The following FRMD3 variants were observed in gnomAD, a reference collection of about 807,000 sequenced individuals.
FRMD3 encodes FERM domain containing 3, also known as FERM domain-containing protein 3.
FRMD3 carries 33 observed loss-of-function variants against 70.2 expected under a neutral mutation model. That is an observed-to-expected ratio of 0.47 (90% CI 0.36 to 0.63). FRMD3 has a LOEUF of 0.63. Among genes scored for constraint, FRMD3 ranks in the 20% least tolerant of loss-of-function variants. The pLI, the probability that FRMD3 is intolerant of heterozygous loss-of-function variation, is 0.00. For missense variants in FRMD3, 632 were observed against 711.4 expected, an observed-to-expected ratio of 0.89 and a Z score of 1.27; for synonymous variants, 279 against 255.9, an observed-to-expected ratio of 1.09 and a Z score of -0.86.
At chr9:83,309,387 T>A in intron 10 of FRMD3, 149 bp downstream of exon 10, 19 of 507,656 alleles carry the variant, frequency 3.7e-5, no homozygotes, top group Admixed American at 7.2e-5. Context: ...TCACCGGGAG[T>A]CACCCTGAAC....
intron 4 of FRMD3, among the ~76,000 whole-genome samples, chr9:83,345,493 C>G (rs1265850734): frequency 6.6e-6 from 1 of 152,168 alleles, no homozygotes; most frequent in African/African-American, 2.4e-5. Flanking sequence ...CATGGTGGCT[C>G]AAGCCTGTAA....
In FRMD3 at chr9:83,357,327, A is replaced by G. The variant is rs368847326; in HGVS notation, c.296-7570T>C. Among the ~76,000 whole-genome samples, 526 of 134,818 alleles carry G rather than the reference A, an allele frequency of 3.9e-3. 8 individuals are homozygous for G. The highest frequency in any genetic ancestry group is 0.013 in the Middle Eastern group (3 of 224). The allele number at this position is 134,818 out of a possible 152,430, so 88.4% of individuals were successfully genotyped here. On this transcript the variant is annotated intron_variant, in intron 3 of 13. Transcript: ENST00000304195. ...ATTTTCTTTATCCACTCATTGACTGATGGGCATTTGGGCTGGTTCCATATT... is the reference window on the plus strand; with the variant it reads ...ATTTTCTTTATCCACTCATTGACTGGTGGGCATTTGGGCTGGTTCCATATT...
At chr9:83,329,198 T>C (rs1355043786) in intron 6 of FRMD3, among the ~76,000 whole-genome samples, 3 of 152,064 alleles carry the variant, frequency 2.0e-5, no homozygotes, top group African/African-American at 7.2e-5. Context: ...TGATCCCAAA[T>C]CATCCCATCT....
At chr9:83,349,845 C>G in intron 3 of FRMD3, 88 bp from the exon 4 acceptor site, 1 of 974,798 alleles carries the variant, frequency 1.0e-6, no homozygotes, top group Non-Finnish European at 1.6e-6. Flanking sequence ...TGCAGCCTGA[C>G]AGACTAGCCT....
intron 13 of FRMD3, among the ~76,000 whole-genome samples, chr9:83,261,482 T>A (rs573263339): frequency 6.6e-6 from 1 of 152,268 alleles, no homozygotes; most frequent in East Asian, 1.9e-4. Context: ...TACAGATCAC[T>A]CAACCTCTGA....
chr9:83,529,578 C>T (rs948300257), intron 1 of FRMD3, among the ~76,000 whole-genome samples: 8 of 152,130 alleles, frequency 5.3e-5, no homozygotes, highest in Non-Finnish European at 1.0e-4. Flanking sequence ...AGGCATAAGT[C>T]CTTATTACCT....
chr9:83,276,171 A>G (rs1305224531), intron 13 of FRMD3: 2 of 152,310 alleles, frequency 1.3e-5, no homozygotes, highest in African/African-American at 4.8e-5. Context: ...TAGTCTCCCA[A>G]GATTTCCTGG....
chr9:83,272,000 A>G (rs1309450535), intron 13 of FRMD3, among the ~76,000 whole-genome samples: 1 of 152,162 alleles, frequency 6.6e-6, no homozygotes, highest in Non-Finnish European at 1.5e-5. Flanking sequence ...TAGGTAAGGA[A>G]AGCCAACAAG....
intron 1 of FRMD3, among the ~76,000 whole-genome samples, chr9:83,478,340 T>C (rs1409614157): frequency 6.6e-6 from 1 of 152,162 alleles, no homozygotes; most frequent in Non-Finnish European, 1.5e-5. Context: ...GTAATGAACA[T>C]ATGCATACTC....
intron 1 of FRMD3, among the ~76,000 whole-genome samples, chr9:83,532,840 G>T (rs572779922): frequency 2.3e-4 from 35 of 152,226 alleles, no homozygotes; most frequent in Non-Finnish European, 4.4e-4. Flanking sequence ...GGCAATGCAT[G>T]AGGAAATACC....
At chr9:83,325,529 T>A (rs1315412737) in intron 6 of FRMD3, among the ~76,000 whole-genome samples, 1 of 151,786 alleles carries the variant, frequency 6.6e-6, no homozygotes, top group African/African-American at 2.4e-5. Flanking sequence ...TTCACCATGT[T>A]GCCCACGCTG....
At chr9:83,416,349 C>G (rs1167367939) in intron 1 of FRMD3, among the ~76,000 whole-genome samples, 1 of 152,246 alleles carries the variant, frequency 6.6e-6, no homozygotes, top group Non-Finnish European at 1.5e-5. Context: ...ACACTGAATA[C>G]TCACTTGCTT....
At chr9:83,453,356 T>C (rs1827723600) in intron 1 of FRMD3, among the ~76,000 whole-genome samples, 1 of 152,136 alleles carries the variant, frequency 6.6e-6, no homozygotes, top group East Asian at 1.9e-4. Flanking sequence ...GACAAACAGA[T>C]GCTCAGAATC....
intron 1 of FRMD3, among the ~76,000 whole-genome samples, chr9:83,522,684 C>T (rs535907970): frequency 2.0e-5 from 3 of 151,726 alleles, no homozygotes; most frequent in South Asian, 4.2e-4. Context: ...CTGCCTCAGC[C>T]TCCCGAGTAG....
rs1829061864 is a variant in FRMD3, at chr9:83,501,251, G to A, written c.147+36834C>T. Reference sequence around the variant, plus strand: ...GGAGCTTGCAGTGAGCCGAGATGGTGCCACTGCACTCCAGCCTGGGTGACA... The same window carrying A: ...GGAGCTTGCAGTGAGCCGAGATGGTACCACTGCACTCCAGCCTGGGTGACA... On this transcript the variant is annotated intron_variant, in intron 1 of 13. Transcript: ENST00000304195. Among the ~76,000 whole-genome samples the A allele has an allele frequency of 2.6e-5, 4 of 152,046 alleles. No homozygotes were observed. The South Asian group carries it at 8.3e-4, about 32-fold the overall frequency.
intron 1 of FRMD3, among the ~76,000 whole-genome samples, chr9:83,486,300 A>G (rs1014034862): frequency 6.6e-6 from 1 of 152,122 alleles, no homozygotes; most frequent in Non-Finnish European, 1.5e-5. Flanking sequence ...TGTCCACATT[A>G]CAATCACCTA....
At chr9:83,522,859 A>G (rs1200284906) in intron 1 of FRMD3, among the ~76,000 whole-genome samples, 1 of 152,098 alleles carries the variant, frequency 6.6e-6, no homozygotes, top group Non-Finnish European at 1.5e-5. Flanking sequence ...CACCGCGCCC[A>G]GCCCGATATA....
chr9:83,423,120 T>C (rs919575198), intron 1 of FRMD3, among the ~76,000 whole-genome samples: 1 of 152,246 alleles, frequency 6.6e-6, no homozygotes, highest in African/African-American at 2.4e-5. Context: ...ACATTATAGA[T>C]GGAGCAAGGT....
At chr9:83,452,470 G>A (rs1564084630) in intron 1 of FRMD3, among the ~76,000 whole-genome samples, 1 of 60,930 alleles carries the variant, frequency 1.6e-5, no homozygotes, top group Non-Finnish European at 4.1e-5. Flanking sequence ...TAATGCTTGA[G>A]TTGTTTTTTT....
Sources: gnomAD v4.1 joint callset for allele counts (sites outside exome capture counted in the v4.1 genomes callset) on GRCh38, gnomAD v4.1.1 for gene constraint, MANE v1.5 for transcripts, NCBI Gene and HGNC (gene_info 2026-07-23, HGNC 2026-07-21) for gene names.